The following ARHGAP35 variants were observed in gnomAD, a reference collection of about 807,000 sequenced individuals.
The protein encoded by ARHGAP35 is Rho GTPase activating protein 35.
Under a neutral mutation model 111.1 loss-of-function variants are expected in ARHGAP35, and 15 were observed. That is an observed-to-expected ratio of 0.13 (90% CI 0.09 to 0.21). The LOEUF (loss-of-function observed/expected upper bound fraction) is 0.21. Ranked by LOEUF, ARHGAP35 falls within the 10% of genes least tolerant of loss-of-function variation. The pLI is 1.00. For synonymous variants in ARHGAP35, 643 were observed against 710.3 expected (o/e 0.91, Z 1.51); for missense variants, 1,262 against 1,873.0 (o/e 0.67, Z 6.02).
chr19:46,923,102 CTTTTTTT>C (rs397976247), intron 2 of ARHGAP35, among the ~76,000 whole-genome samples: 1 of 123,660 alleles, frequency 8.1e-6, no homozygotes, highest in Non-Finnish European at 1.7e-5. Flanking sequence ...AATGAAGTCT[CTTTTTTT>C]TTTTTTTTTT....
At chr19:46,882,480 T>A (rs2055967759) in intron 1 of ARHGAP35, among the ~76,000 whole-genome samples, 1 of 152,154 alleles carries the variant, frequency 6.6e-6, no homozygotes, top group Non-Finnish European at 1.5e-5. Flanking sequence ...CACTTTATTT[T>A]ATTTATTTAT....
intron 1 of ARHGAP35, among the ~76,000 whole-genome samples, chr19:46,896,357 A>G (rs975304123): frequency 1.3e-5 from 2 of 152,248 alleles, no homozygotes; most frequent in Non-Finnish European, 2.9e-5. Context: ...CTGCACTCCA[A>G]CCTGGGCAAC....
At chr19:46,886,619 C>T (rs2055994482) in intron 1 of ARHGAP35, among the ~76,000 whole-genome samples, 1 of 151,968 alleles carries the variant, frequency 6.6e-6, no homozygotes, top group African/African-American at 2.4e-5. Context: ...AGGGATCGGG[C>T]GTTACTCAAG....
intron 1 of ARHGAP35, among the ~76,000 whole-genome samples, chr19:46,917,382 C>A (rs943301177): frequency 2.6e-5 from 4 of 152,182 alleles, no homozygotes; most frequent in South Asian, 2.1e-4. Flanking sequence ...CCAAGGCAGG[C>A]AGATCGCCTG....
At chr19:46,949,907 CA>C in intron 3 of ARHGAP35, among the ~76,000 whole-genome samples, 1 of 152,206 alleles carries the variant, frequency 6.6e-6, no homozygotes, top group South Asian at 2.1e-4. Context: ...GACGTTTCCC[CA>C]AAACAGTAAT....
chr19:46,878,365 G>C (rs1174339963), intron 1 of ARHGAP35, among the ~76,000 whole-genome samples: 1 of 152,014 alleles, frequency 6.6e-6, no homozygotes, highest in Non-Finnish European at 1.5e-5. Context: ...CTGTCACCCA[G>C]GCTGGGGTGC....
rs552204170 is a variant in ARHGAP35 at position 46,975,254 on chromosome 19, G to A, written c.3827-12735G>A. Among the ~76,000 whole-genome samples the A allele has an allele frequency of 6.4e-4, 98 of 152,180 alleles. 1 individual carries two copies. Among genetic ancestry groups the A allele is most frequent in the Non-Finnish European group, 1.2e-3 (80 of 68,002 alleles). ...TTTGGGGAACTCTGTGCTAGGAGCC[G>A]GGGACAAAAACCAAATATATATTTC... On this transcript the variant is annotated intron_variant, in intron 3 of 6. Coordinates refer to ENST00000672722, the MANE Select transcript of ARHGAP35 (RefSeq NM_004491.5).
intron 3 of ARHGAP35, among the ~76,000 whole-genome samples, chr19:46,973,911 T>A (rs1328364912): frequency 8.0e-5 from 12 of 149,296 alleles, no homozygotes; most frequent in Admixed American, 8.0e-4. Context: ...CAGGATAATC[T>A]TTTGAACCCA....
intron 2 of ARHGAP35, among the ~76,000 whole-genome samples, chr19:46,927,442 T>C (rs2056244941): frequency 6.6e-6 from 1 of 152,142 alleles, no homozygotes; most frequent in African/African-American, 2.4e-5. Context: ...GAAATGATAT[T>C]TAAGGCTGAG....
At position 46,861,923 on chromosome 19, in the gene ARHGAP35, A is replaced by G. The variant is rs1489201253; in HGVS notation, c.-189+714A>G. The stretch of plus-strand genomic sequence containing the variant: ...TTCCCTCGTGGGCCCTACTACCCGC[A>G]TTTCTTGTCTGCCCTCTCGCAGAGC... On this transcript the variant is annotated intron_variant, in intron 1 of 6. Coordinates refer to ENST00000672722, the MANE Select transcript of ARHGAP35 (RefSeq NM_004491.5). Among the ~76,000 whole-genome samples, 6 of 86,808 alleles carry G rather than the reference A, an allele frequency of 6.9e-5. No homozygotes were observed. In the East Asian group the frequency reaches 1.3e-3, roughly 19 times the overall value. The allele number at this position is 86,808 out of a possible 152,430, so 56.9% of individuals were successfully genotyped here. A position where few individuals can be genotyped will look rare whatever the true frequency, so the allele number is the denominator to read the frequency against.
chr19:46,967,169 G>T (rs548155282), intron 3 of ARHGAP35, among the ~76,000 whole-genome samples: 1 of 151,748 alleles, frequency 6.6e-6, no homozygotes, highest in Non-Finnish European at 1.5e-5. Flanking sequence ...GCATGGGGAC[G>T]GGAAAGGTCA....
Position 47,000,991 on chromosome 19 carries a change from A to G in ARHGAP35, c.*303A>G, listed in dbSNP as rs538676296. ...ACCACCCCACGTAGCTGCTCACACCAGCCTCCGGGTGCCTCCCTCTGCTTG... is the reference window on the plus strand; with the variant it reads ...ACCACCCCACGTAGCTGCTCACACCGGCCTCCGGGTGCCTCCCTCTGCTTG... On this transcript the variant is annotated 3_prime_UTR_variant, in exon 7 of 7. Coordinates refer to ENST00000672722, the MANE Select transcript of ARHGAP35 (RefSeq NM_004491.5). This position sits in a 1 kb window ranked among gnomAD's most constrained non-coding sequence, Gnocchi z 6.9. The G allele has an allele frequency of 2.1e-4, 309 of 1,484,968 alleles. 3 individuals are homozygous for G. In the South Asian group the frequency reaches 3.4e-3, roughly 16 times the overall value. The allele number at this position is 1,484,968 out of a possible 1,614,324, so 92.0% of individuals were successfully genotyped here.
At chr19:46,943,039 ATTT>A (rs79252272) in intron 3 of ARHGAP35, among the ~76,000 whole-genome samples, 1 of 141,244 alleles carries the variant, frequency 7.1e-6, no homozygotes. Flanking sequence ...TAATAATGTG[ATTT>A]TTTTTTTTTT....
intron 3 of ARHGAP35, among the ~76,000 whole-genome samples, chr19:46,950,726 A>G (rs867621723): frequency 4.6e-5 from 7 of 151,984 alleles, no homozygotes; most frequent in African/African-American, 1.7e-4. Context: ...CTGGCCCTCC[A>G]TTACCTCGCT....
At chr19:46,880,612 A>G (rs1211764567) in intron 1 of ARHGAP35, among the ~76,000 whole-genome samples, 6 of 152,096 alleles carry the variant, frequency 3.9e-5, no homozygotes, top group Admixed American at 3.9e-4. Flanking sequence ...ACTTCTTCCA[A>G]ATTCCTGTTA....
At chr19:46,871,104 A>G (rs1733916333) in intron 1 of ARHGAP35, among the ~76,000 whole-genome samples, 1 of 152,248 alleles carries the variant, frequency 6.6e-6, no homozygotes, top group South Asian at 2.1e-4. Flanking sequence ...CAAATACCTG[A>G]TAAAGAATGG....
chr19:46,960,273 T>C (rs2056472061), intron 3 of ARHGAP35, among the ~76,000 whole-genome samples: 1 of 152,204 alleles, frequency 6.6e-6, no homozygotes, highest in African/African-American at 2.4e-5. Context: ...ACCCATCTTC[T>C]TGGGTATACG....
Position 46,921,012 on chromosome 19 carries a change from T to C in ARHGAP35, c.2337T>C (p.Asp779=). 1 of 1,614,022 alleles carries C rather than the reference T, an allele frequency of 6.2e-7. No individual in the cohort carries two copies. The highest frequency in any genetic ancestry group is 8.5e-7 in the Non-Finnish European group (1 of 1,179,902). Residue 779 remains aspartate, a synonymous_variant, in exon 2 of 7, where the codon GAT becomes GAC. Coordinates refer to ENST00000672722, the MANE Select transcript of ARHGAP35 (RefSeq NM_004491.5). The surrounding 1 kb of genome is among the most constrained non-coding windows in gnomAD (Gnocchi z 4.3). The part of the protein sequence containing the change: ...SSTASIKDLA[D]VDLRIVMCLM... ...CTGCTAGCATCAAAGATTTGGCTGATGTTGATCTGCGAATTGTTATGTGTC... is the reference window on the plus strand; with the variant it reads ...CTGCTAGCATCAAAGATTTGGCTGACGTTGATCTGCGAATTGTTATGTGTC...
intron 3 of ARHGAP35, chr19:46,946,733 T>G (rs984356118): frequency 6.6e-6 from 1 of 152,116 alleles, no homozygotes; most frequent in Admixed American, 6.6e-5. Flanking sequence ...TTTGTTTTTG[T>G]TTTTGTTTTG....
Sources: allele counts gnomAD v4.1 joint callset (sites outside exome capture counted in the v4.1 genomes callset), GRCh38; gene constraint gnomAD v4.1.1; non-coding constraint Gnocchi (gnomAD v3.1); transcripts MANE v1.5; gene names NCBI Gene and HGNC (gene_info 2026-07-23, HGNC 2026-07-21).